Variants in ZMAT4 observed in about 807,000 individuals in gnomAD.
ZMAT4 encodes the protein zinc finger matrin-type 4, also known as zinc finger matrin-type protein 4.
Under a neutral mutation model 28.7 loss-of-function variants are expected in ZMAT4, and 17 were observed. The observed-to-expected ratio is 0.59, with a 90% confidence interval of 0.41 to 0.89. The LOEUF is 0.89. Ranked by LOEUF, ZMAT4 falls within the 40% of genes least tolerant of loss-of-function variation. The pLI, the probability that ZMAT4 is intolerant of heterozygous loss-of-function variation, is 0.00. For missense variants in ZMAT4, 240 were observed against 283.8 expected (o/e 0.85, Z 1.11); for synonymous variants, 117 against 109.2 (o/e 1.07, Z -0.44).
chr8:40,714,786 C>A (rs1196596748), intron 3 of ZMAT4, among the ~76,000 whole-genome samples: 21 of 152,128 alleles, frequency 1.4e-4, no homozygotes, highest in Admixed American at 1.4e-3. Flanking sequence ...GGCAGTGGCT[C>A]ACGCCTGTAA....
intron 1 of ZMAT4, among the ~76,000 whole-genome samples, chr8:40,863,804 C>A (rs536230372): frequency 4.7e-4 from 72 of 152,166 alleles, no homozygotes; most frequent in Non-Finnish European, 8.7e-4. Flanking sequence ...TTGTGAAAAT[C>A]ATTATGTCAG....
intron 5 of ZMAT4, among the ~76,000 whole-genome samples, chr8:40,647,636 CA>C (rs1404764405): frequency 1.3e-5 from 2 of 152,164 alleles, no homozygotes; most frequent in African/African-American, 4.8e-5. Context: ...CACAGACAAA[CA>C]AAAAGACAGC....
intron 2 of ZMAT4, among the ~76,000 whole-genome samples, chr8:40,777,698 G>A (rs1288021337): frequency 6.6e-6 from 1 of 152,194 alleles, no homozygotes; most frequent in Non-Finnish European, 1.5e-5. Flanking sequence ...GATTTCGAGT[G>A]AGGTTTAGTC....
At chr8:40,761,513 G>A (rs1314706635) in intron 3 of ZMAT4, among the ~76,000 whole-genome samples, 2 of 152,070 alleles carry the variant, frequency 1.3e-5, no homozygotes, top group Admixed American at 6.6e-5. Context: ...AAGCACTCCA[G>A]CTTCCATCAA....
At chr8:40,653,691 A>C (rs187779002) in intron 5 of ZMAT4, among the ~76,000 whole-genome samples, 2 of 152,308 alleles carry the variant, frequency 1.3e-5, no homozygotes, top group Non-Finnish European at 2.9e-5. Flanking sequence ...TCATAGAAGA[A>C]AGAAACTACC....
rs900813985 is a variant in ZMAT4 at position 40,785,835 on chromosome 8, G to A, written c.103-18105C>T. On this transcript the variant is annotated intron_variant, in intron 2 of 6. Transcript: ENST00000297737. ...CATAACCCTTTCCCTCCCACCATCT[G>A]CTCTTAGCTAGATTTCAAATAAGCC... 5.3e-5 allele frequency among the ~76,000 whole-genome samples: 8 copies of A among 152,138 alleles called. No homozygotes were observed. The East Asian group carries it at 1.4e-3, about 26-fold the overall frequency.
intron 3 of ZMAT4, among the ~76,000 whole-genome samples, chr8:40,761,705 G>A (rs528483694): frequency 7.2e-5 from 11 of 152,254 alleles, no homozygotes; most frequent in African/African-American, 1.4e-4. Flanking sequence ...TAGAAGCTCA[G>A]TAGAAATTGG....
chr8:40,885,039 A>T (rs1385116049), intron 1 of ZMAT4: 3 of 151,332 alleles, frequency 2.0e-5, no homozygotes, highest in Non-Finnish European at 4.4e-5. Context: ...GTCTGTCTAC[A>T]CTCACTCCCT....
intron 2 of ZMAT4, among the ~76,000 whole-genome samples, chr8:40,793,511 A>G (rs1814453952): frequency 6.6e-6 from 1 of 152,214 alleles, no homozygotes; most frequent in African/African-American, 2.4e-5. Flanking sequence ...ACAGCCTTGA[A>G]ATCCTTTTGC....
At chr8:40,783,290 G>A (rs986589561) in intron 2 of ZMAT4, among the ~76,000 whole-genome samples, 1 of 152,198 alleles carries the variant, frequency 6.6e-6, no homozygotes, top group African/African-American at 2.4e-5. Context: ...CTACGTGACA[G>A]AAGTCAGAAA....
At chr8:40,656,981 C>CA (rs1807955681) in intron 5 of ZMAT4, among the ~76,000 whole-genome samples, 1 of 152,100 alleles carries the variant, frequency 6.6e-6, no homozygotes. Context: ...ATGTATACTT[C>CA]AAAATGGTAA....
intron 6 of ZMAT4, among the ~76,000 whole-genome samples, chr8:40,567,906 T>A (rs1803973221): frequency 6.6e-6 from 1 of 152,110 alleles, no homozygotes; most frequent in Admixed American, 6.6e-5. Flanking sequence ...TCAGTGAATA[T>A]TGAGATTAGC....
At chr8:40,759,271 G>C (rs112668235) in intron 3 of ZMAT4, among the ~76,000 whole-genome samples, 1,306 of 86,678 alleles carry the variant, frequency 0.015, 23 homozygotes, top group African/African-American at 0.059. Flanking sequence ...AACAGAGAGA[G>C]ACTCCATCTC....
At chr8:40,648,442 G>A (rs368429251) in intron 5 of ZMAT4, among the ~76,000 whole-genome samples, 62 of 151,376 alleles carry the variant, frequency 4.1e-4, no homozygotes, top group Non-Finnish European at 5.7e-4. Context: ...CCAAATCTAC[G>A]TCTGATTGGT....
chr8:40,892,158 T>C (rs775912045), intron 1 of ZMAT4, among the ~76,000 whole-genome samples: 135 of 152,342 alleles, frequency 8.9e-4, no homozygotes, highest in Non-Finnish European at 1.6e-3. Flanking sequence ...TGATGTGTCT[T>C]ACCCAGAGTG....
chr8:40,795,921 A>G (rs1355207511), intron 2 of ZMAT4, among the ~76,000 whole-genome samples: 1 of 152,200 alleles, frequency 6.6e-6, no homozygotes, highest in African/African-American at 2.4e-5. Flanking sequence ...AAGTGCTTAA[A>G]ATATACCATC....
intron 1 of ZMAT4, among the ~76,000 whole-genome samples, chr8:40,862,834 G>C (rs533128620): frequency 9.1e-4 from 138 of 151,890 alleles, no homozygotes; most frequent in African/African-American, 3.1e-3. Flanking sequence ...GGTGGGGGGA[G>C]GGGGAGGGCT....
intron 1 of ZMAT4, among the ~76,000 whole-genome samples, chr8:40,829,641 TA>T (rs1816203999): frequency 6.6e-6 from 1 of 152,092 alleles, no homozygotes; most frequent in African/African-American, 2.4e-5. Flanking sequence ...AGCTACTGAG[TA>T]AGAAGAGACA....
At chr8:40,706,156 G>A (rs529190499) in intron 3 of ZMAT4, among the ~76,000 whole-genome samples, 3 of 152,110 alleles carry the variant, frequency 2.0e-5, no homozygotes, top group Non-Finnish European at 4.4e-5. Flanking sequence ...AGATTCAAGC[G>A]ATTCTCCTGC....
Sources: allele counts gnomAD v4.1 joint callset (sites outside exome capture counted in the v4.1 genomes callset), GRCh38; gene constraint gnomAD v4.1.1; transcripts MANE v1.5; gene names NCBI Gene and HGNC (gene_info 2026-07-23, HGNC 2026-07-21).